The following SPECC1 variants were observed in gnomAD, a reference collection of about 807,000 sequenced individuals.
SPECC1 encodes sperm antigen with calponin homology and coiled-coil domains 1, also known as cytospin-B.
In SPECC1, 62 loss-of-function variants were observed where a neutral mutation model predicts 104.1. That is an observed-to-expected ratio of 0.60 (90% CI 0.49 to 0.74). SPECC1 has a LOEUF of 0.74. Among genes scored for constraint, SPECC1 ranks in the 30% least tolerant of loss-of-function variants. The pLI is 0.00. For synonymous variants in SPECC1, 513 were observed against 501.6 expected (o/e 1.02, Z -0.30); for missense variants, 1,306 against 1,310.5 (o/e 1.00, Z 0.05).
At chr17:20,264,432 T>C (rs913464390) in intron 12 of SPECC1, among the ~76,000 whole-genome samples, 1 of 149,810 alleles carries the variant, frequency 6.7e-6, no homozygotes, top group Non-Finnish European at 1.5e-5. Context: ...ATTGTTGCCA[T>C]CCATGTGGCT....
intron 14 of SPECC1, among the ~76,000 whole-genome samples, chr17:20,306,553 C>T (rs1033427287): frequency 6.6e-6 from 1 of 152,250 alleles, no homozygotes; most frequent in Non-Finnish European, 1.5e-5. Flanking sequence ...AGGCTCACAA[C>T]ATGCTGATCT....
At chr17:20,288,386 A>G (rs542476491) in intron 12 of SPECC1, among the ~76,000 whole-genome samples, 4 of 147,260 alleles carry the variant, frequency 2.7e-5, no homozygotes, top group African/African-American at 5.3e-5. Context: ...AATTTAGAAG[A>G]AAAAAAAACA....
intron 7 of SPECC1, among the ~76,000 whole-genome samples, chr17:20,244,721 A>G (rs1453173097): frequency 6.6e-6 from 1 of 152,248 alleles, no homozygotes. Flanking sequence ...GATTTATTTT[A>G]AACTTCCACC....
chr17:20,155,888 A>G, intron 3 of SPECC1: 2 of 1,132,012 alleles, frequency 1.8e-6, no homozygotes, highest in Non-Finnish European at 2.2e-6. Context: ...GTGGGCGGAC[A>G]GTATGCAGAT....
At chr17:20,299,555 C>CA (rs57493380) in intron 13 of SPECC1, among the ~76,000 whole-genome samples, 6,002 of 39,826 alleles carry the variant, frequency 0.15, 706 homozygotes, top group African/African-American at 0.2. Context: ...GACCCTGTCT[C>CA]AAAAAAAAAA....
At chr17:20,270,557 C>G (rs2040374191) in intron 12 of SPECC1, among the ~76,000 whole-genome samples, 8 of 150,126 alleles carry the variant, frequency 5.3e-5, no homozygotes, top group Admixed American at 5.3e-4. Context: ...AGTTCAAGGC[C>G]TCCGTGAGCT....
At chr17:20,103,397 AAC>A (rs2048033761) in intron 2 of SPECC1, among the ~76,000 whole-genome samples, 2 of 152,220 alleles carry the variant, frequency 1.3e-5, no homozygotes, top group Non-Finnish European at 2.9e-5. Flanking sequence ...TTAGGTGGTT[AAC>A]TCTGATCGGC....
At chr17:20,021,698 ATATAT>A (rs2044389342) in intron 1 of SPECC1, among the ~76,000 whole-genome samples, 2 of 113,674 alleles carry the variant, frequency 1.8e-5, no homozygotes, top group Admixed American at 1.8e-4. Flanking sequence ...ATATATATAT[ATATAT>A]TTTTTTGTAC....
chr17:20,239,611 G>A (rs751550943), intron 7 of SPECC1, among the ~76,000 whole-genome samples: 2 of 152,066 alleles, frequency 1.3e-5, no homozygotes, highest in Middle Eastern at 3.4e-3. Flanking sequence ...TGCTATAATA[G>A]CAGTCCTTAT....
Position 20,205,880 on chromosome 17 carries a change from G to A in SPECC1, c.1831G>A (p.Glu611Lys), listed in dbSNP as rs765486500. ...ACAAGAATTACTAAAGGCAAACGGT[G>A]AAATTAAACATGTTTCCAGTCTGCT... ...LRQELLKANG[E>K]IKHVSSLLAK... Residue 611 changes from glutamate to lysine, a missense_variant, in exon 4 of 15, where the codon GAA becomes AAA. Transcript: ENST00000395527. 4.3e-6 allele frequency: 7 copies of A among 1,612,770 alleles called. No individual in the cohort carries two copies. The highest frequency in any genetic ancestry group is 2.2e-5 in the East Asian group (1 of 44,880).
In SPECC1 at chr17:20,232,231, C is replaced by G. The variant is rs200795652; in HGVS notation, c.2177C>G (p.Ala726Gly). 6.2e-7 allele frequency: 1 copy of G among 1,613,972 alleles called. No individual in the cohort carries two copies. Among genetic ancestry groups the G allele is most frequent in the African/African-American group, 1.3e-5 (1 of 74,920 alleles). Residue 726 changes from alanine to glycine, a missense_variant, in exon 7 of 15, where the codon GCG (alanine) becomes GGG (glycine). Around this residue, in one of 2 missense-constraint regions of SPECC1, gnomAD observed 1,177 missense variants for 1,139.9 expected, o/e 1.03. Transcript: ENST00000395527. ...EETEEWRRFQADLQTAVVVAN... is the reference protein window; with the variant it reads ...EETEEWRRFQGDLQTAVVVAN... ...ACCGAGGAATGGAGGCGGTTCCAGG[C>G]GGATCTGCAGACCGCAGTGGTGGTG...
At chr17:20,036,587 A>G (rs753263161) in intron 1 of SPECC1, among the ~76,000 whole-genome samples, 2 of 152,154 alleles carry the variant, frequency 1.3e-5, no homozygotes, top group Non-Finnish European at 1.5e-5. Context: ...CTCTTTTAGT[A>G]TTTTCAAGAA....
At chr17:20,131,815 A>G (rs1228389500) in intron 3 of SPECC1, among the ~76,000 whole-genome samples, 1 of 151,430 alleles carries the variant, frequency 6.6e-6, no homozygotes, top group East Asian at 2.0e-4. Flanking sequence ...ACGCCTGGCT[A>G]ATTTTTTGTA....
intron 2 of SPECC1, among the ~76,000 whole-genome samples, chr17:20,102,764 T>C (rs969807119): frequency 6.6e-6 from 1 of 152,212 alleles, no homozygotes; most frequent in Non-Finnish European, 1.5e-5. Context: ...TCATTTTTCC[T>C]AAAAACACTC....
intron 1 of SPECC1, among the ~76,000 whole-genome samples, chr17:20,061,068 A>G (rs561414445): frequency 7.2e-5 from 11 of 152,218 alleles, no homozygotes; most frequent in African/African-American, 2.6e-4. Flanking sequence ...AAATTGTTTC[A>G]TTTATTTCTT....
intron 3 of SPECC1, among the ~76,000 whole-genome samples, chr17:20,198,983 A>C (rs115227695): frequency 6.6e-6 from 1 of 151,164 alleles, no homozygotes; most frequent in Non-Finnish European, 1.5e-5. Flanking sequence ...AGAGAAATCT[A>C]GGTTGAAAGT....
Position 20,297,035 on chromosome 17 carries a change from G to T in SPECC1, c.3015G>T (p.Leu1005=). The part of the protein sequence containing the change: ...LAFCALLHTY[L]PAHIPYQELN... ...TCTGTGCTCTGCTCCACACCTACCT[G>T]CCTGCCCACATCCCCTACCAGGAGC... is the stretch of plus-strand genomic sequence containing the variant. The change falls in exon 13 of 15, where the codon CTG becomes CTT. Residue 1005 remains leucine (L), a synonymous_variant. Coordinates refer to ENST00000395527, the MANE Select transcript of SPECC1 (RefSeq NM_001243439.2). The T allele has an allele frequency of 6.2e-7, 1 of 1,614,150 alleles. No homozygotes were observed. The highest frequency in any genetic ancestry group is 8.5e-7 in the Non-Finnish European group (1 of 1,180,018).
At chr17:20,040,477 A>G (rs1255194144) in intron 1 of SPECC1, among the ~76,000 whole-genome samples, 2 of 152,078 alleles carry the variant, frequency 1.3e-5, no homozygotes, top group South Asian at 2.1e-4. Context: ...GGTCTGTTGC[A>G]TGATCTTCCT....
At chr17:20,227,709 G>C in intron 5 of SPECC1, 89 bp downstream of exon 5, 1 of 1,236,810 alleles carries the variant, frequency 8.1e-7, no homozygotes, top group South Asian at 1.4e-5. Context: ...GAGGTCAGAA[G>C]TTCGAGACCC....
Sources: gnomAD v4.1 joint callset for allele counts (sites outside exome capture counted in the v4.1 genomes callset) on GRCh38, gnomAD v4.1.1 for gene constraint, gnomAD v4.1.1 regional missense constraint, MANE v1.5 for transcripts, NCBI Gene and HGNC (gene_info 2026-07-23, HGNC 2026-07-21) for gene names.